Variants in GPR137C observed in about 807,000 individuals in gnomAD.
GPR137C encodes G protein-coupled receptor 137C, also known as integral membrane protein GPR137C.
A neutral mutation model predicts 43.4 loss-of-function variants in GPR137C; 27 were observed. The ratio of observed to expected loss-of-function variants is 0.62; its 90% confidence interval spans 0.46 to 0.86. GPR137C has a LOEUF of 0.86. Ranked by LOEUF, GPR137C falls within the 40% of genes least tolerant of loss-of-function variation. The pLI, the probability that GPR137C is intolerant of heterozygous loss-of-function variation, is 0.00. For missense variants in GPR137C, 522 were observed against 534.6 expected (o/e 0.98, Z 0.23); for synonymous variants, 285 against 226.9 (o/e 1.26, Z -2.30).
intron 3 of GPR137C, among the ~76,000 whole-genome samples, chr14:52,618,773 C>T (rs1166192391): frequency 6.6e-6 from 1 of 151,742 alleles, no homozygotes; most frequent in African/African-American, 2.4e-5. Context: ...ATATTACTTT[C>T]AAAGGACAAA....
rs113720771 is a variant in GPR137C, at chr14:52,606,274, A to G, written c.717+5933A>G. Among the ~76,000 whole-genome samples the G allele has an allele frequency of 3.1e-3, 473 of 152,136 alleles. 2 individuals carry two copies. The highest frequency in any genetic ancestry group is 9.8e-3 in the African/African-American group (406 of 41,514). On this transcript the variant is annotated intron_variant, in intron 3 of 6. Coordinates refer to ENST00000321662, the MANE Select transcript of GPR137C (RefSeq NM_001099652.2). The stretch of plus-strand genomic sequence containing the variant: ...TCGTTATTCAGTCATGGTAGGTTAT[A>G]TGTGTTCAGGAACTTATCCATTTCT...
intron 3 of GPR137C, among the ~76,000 whole-genome samples, chr14:52,622,062 C>T (rs1231520787): frequency 6.6e-6 from 1 of 151,926 alleles, no homozygotes; most frequent in Non-Finnish European, 1.5e-5. Context: ...ATTTTTATGT[C>T]TGCTTCTGCA....
chr14:52,567,299 CATA>C (rs1272855157), intron 1 of GPR137C, among the ~76,000 whole-genome samples: 1 of 151,984 alleles, frequency 6.6e-6, no homozygotes, highest in Admixed American at 6.6e-5. Context: ...AATAGCAGAA[CATA>C]ATAAGACTCA....
At chr14:52,567,962 T>G (rs536949309) in intron 1 of GPR137C, among the ~76,000 whole-genome samples, 1 of 152,232 alleles carries the variant, frequency 6.6e-6, no homozygotes, top group South Asian at 2.1e-4. Context: ...CTGGCTGAGA[T>G]TGTTCTTAAG....
chr14:52,600,037 C>CA (rs1256086666), intron 2 of GPR137C, 76 bp from the exon 3 acceptor site: 1 of 927,508 alleles, frequency 1.1e-6, no homozygotes, highest in Non-Finnish European at 1.7e-6. Context: ...TTGTACCTAA[C>CA]ATAACACACT....
chr14:52,616,900 A>G (rs758522860), intron 3 of GPR137C, among the ~76,000 whole-genome samples: 15 of 152,170 alleles, frequency 9.9e-5, no homozygotes, highest in African/African-American at 3.4e-4. Flanking sequence ...TTGACACCAT[A>G]CTTTGGCCTA....
At position 52,553,079 on chromosome 14, in the gene GPR137C, C is replaced by T. The variant is rs909870024; in HGVS notation, c.-69C>T. 5.9e-6 allele frequency: 5 copies of T among 852,018 alleles called. No individual in the cohort carries two copies. Among genetic ancestry groups the T allele is most frequent in the South Asian group, 1.2e-4 (2 of 17,334 alleles). 52.8% of individuals were successfully genotyped at this position (852,018 alleles called of 1,614,324 possible). A position where few individuals can be genotyped will look rare whatever the true frequency, so the allele number is the denominator to read the frequency against. On this transcript the variant is annotated 5_prime_UTR_variant, in exon 1 of 7. Coordinates refer to ENST00000321662, the MANE Select transcript of GPR137C (RefSeq NM_001099652.2). ...GGGGGGTAAGGGGGCAGTCCTTCTC[C>T]CCTTCGACGGCGGCTCCGAGTCCAG... is the stretch of plus-strand genomic sequence containing the variant.
intron 1 of GPR137C, among the ~76,000 whole-genome samples, chr14:52,555,199 A>G (rs1292396786): frequency 6.6e-6 from 1 of 152,110 alleles, no homozygotes; most frequent in Non-Finnish European, 1.5e-5. Flanking sequence ...GCATCAGATG[A>G]CTTGTTTTTT....
Position 52,635,123 on chromosome 14 carries a change from A to G in GPR137C, c.*8A>G, listed in dbSNP as rs1594812848. ...GTGACACCACAAAACTGACAGCATCACCAAGTCATGATTCTTGAGTTGTTT... is the reference window on the plus strand; with the variant it reads ...GTGACACCACAAAACTGACAGCATCGCCAAGTCATGATTCTTGAGTTGTTT... On this transcript the variant is annotated 3_prime_UTR_variant, in exon 7 of 7. Coordinates refer to ENST00000321662, the MANE Select transcript of GPR137C (RefSeq NM_001099652.2). The G allele has an allele frequency of 6.5e-7, 1 of 1,546,860 alleles. No homozygotes were observed.
intron 3 of GPR137C, among the ~76,000 whole-genome samples, chr14:52,615,206 A>G (rs2039084789): frequency 6.6e-6 from 1 of 152,202 alleles, no homozygotes; most frequent in Non-Finnish European, 1.5e-5. Flanking sequence ...TTTATTGAAG[A>G]AACTACCTTT....
intron 1 of GPR137C, among the ~76,000 whole-genome samples, chr14:52,554,383 C>T (rs911325360): frequency 2.0e-5 from 3 of 152,164 alleles, no homozygotes; most frequent in Non-Finnish European, 2.9e-5. Flanking sequence ...ATATCTGGAA[C>T]CTAATCACAC....
intron 1 of GPR137C, among the ~76,000 whole-genome samples, chr14:52,564,274 C>CCG (rs529014967): frequency 1.1e-5 from 1 of 93,256 alleles, no homozygotes; most frequent in Non-Finnish European, 2.2e-5. Context: ...GACTTCGTCT[C>CCG]AAAAAAAAAA....
chr14:52,596,961 A>G (rs531697194), intron 1 of GPR137C: 2 of 454,478 alleles, frequency 4.4e-6, no homozygotes, highest in South Asian at 1.6e-5. Flanking sequence ...CTTGGAAGGA[A>G]CCCATCTTAT....
At chr14:52,599,621 A>G (rs1474197703) in intron 2 of GPR137C, among the ~76,000 whole-genome samples, 1 of 151,978 alleles carries the variant, frequency 6.6e-6, no homozygotes, top group Non-Finnish European at 1.5e-5. Context: ...TTTAGTAGAG[A>G]TGAGGTTTCT....
chr14:52,566,250 C>T (rs937368169), intron 1 of GPR137C, among the ~76,000 whole-genome samples: 1 of 152,142 alleles, frequency 6.6e-6, no homozygotes, highest in Non-Finnish European at 1.5e-5. Context: ...ATTAATCACA[C>T]TCTACAATTT....
intron 1 of GPR137C, among the ~76,000 whole-genome samples, chr14:52,567,950 G>C (rs375677042): frequency 1.3e-5 from 2 of 152,080 alleles, no homozygotes; most frequent in East Asian, 1.9e-4. Flanking sequence ...GAGCCACCGC[G>C]CCTGGCTGAG....
At chr14:52,607,685 G>A (rs1325117923) in intron 3 of GPR137C, among the ~76,000 whole-genome samples, 3 of 152,076 alleles carry the variant, frequency 2.0e-5, no homozygotes, top group Non-Finnish European at 4.4e-5. Context: ...GACCAGCCTG[G>A]CCAACATGGC....
intron 3 of GPR137C, among the ~76,000 whole-genome samples, chr14:52,620,667 C>G (rs376625109): frequency 1.6e-4 from 24 of 151,024 alleles, no homozygotes; most frequent in African/African-American, 3.6e-4. Context: ...ATAATATGCT[C>G]AAGGGCTTGA....
intron 3 of GPR137C, among the ~76,000 whole-genome samples, chr14:52,625,481 CA>C (rs531582064): frequency 1.3e-3 from 60 of 44,796 alleles, no homozygotes; most frequent in Non-Finnish European, 1.6e-3. Context: ...GACTCCATCC[CA>C]AAAAAAAAAA....
Sources: allele counts gnomAD v4.1 joint callset (sites outside exome capture counted in the v4.1 genomes callset), GRCh38; gene constraint gnomAD v4.1.1; transcripts MANE v1.5; gene names NCBI Gene and HGNC (gene_info 2026-07-23, HGNC 2026-07-21).